Variants in PTPRG observed in about 807,000 individuals in gnomAD.
The protein encoded by PTPRG is receptor-type tyrosine-protein phosphatase gamma.
PTPRG carries 102 observed loss-of-function variants against 165.3 expected under a neutral mutation model. That is an observed-to-expected ratio of 0.62 (90% confidence interval 0.53 to 0.73). The LOEUF (loss-of-function observed/expected upper bound fraction) is 0.73, where lower values mean the gene tolerates loss of function less well. PTPRG is among the 30% of genes least tolerant of loss of function. The pLI is 0.00. For missense variants in PTPRG, 1,866 were observed against 1,861.4 expected, an observed-to-expected ratio of 1.00 and a Z score of -0.05; for synonymous variants, 675 against 669.5, an observed-to-expected ratio of 1.01 and a Z score of -0.13.
At chr3:61,596,558 A>AT (rs1559517423) in intron 1 of PTPRG, among the ~76,000 whole-genome samples, 1 of 152,038 alleles carries the variant, frequency 6.6e-6, no homozygotes, top group East Asian at 1.9e-4. Flanking sequence ...AAAGCAAGCT[A>AT]TTTGTTTTTT....
rs954491534 is a variant in PTPRG, at chr3:62,213,349, G to A, written c.2156-5502G>A. Among the ~76,000 whole-genome samples the A allele has an allele frequency of 3.3e-5, 5 of 152,146 alleles. No homozygotes were observed. The highest frequency in any genetic ancestry group is 1.3e-4 in the Admixed American group (2 of 15,284). ...CCTGTGCTCAGAAGGGCCTATGCTT[G>A]CTTTCATACTGTCTCATACTCTACT... is the stretch of plus-strand genomic sequence containing the variant. On this transcript the variant is annotated intron_variant, in intron 12 of 29. Transcript: ENST00000474889. This position sits in a 1 kb window ranked among gnomAD's most constrained non-coding sequence, Gnocchi z 4.4.
intron 2 of PTPRG, among the ~76,000 whole-genome samples, chr3:61,874,260 C>T (rs982219871): frequency 2.6e-5 from 4 of 152,160 alleles, no homozygotes; most frequent in Non-Finnish European, 4.4e-5. Flanking sequence ...GGCCTAAAAG[C>T]ATTTGCTGGA....
intron 4 of PTPRG, among the ~76,000 whole-genome samples, chr3:62,039,226 C>G (rs1700048591): frequency 6.6e-6 from 1 of 151,622 alleles, no homozygotes; most frequent in Admixed American, 6.6e-5. Flanking sequence ...TGAGCCACCA[C>G]CCCTAGCCAA....
intron 2 of PTPRG, chr3:61,749,241 T>C: frequency 1.9e-6 from 1 of 533,594 alleles, no homozygotes; most frequent in Non-Finnish European, 3.4e-6. Context: ...TGAGTTATTG[T>C]ACCAAACTTG....
intron 2 of PTPRG, among the ~76,000 whole-genome samples, chr3:61,754,911 C>T (rs2106940713): frequency 6.6e-6 from 1 of 152,276 alleles, no homozygotes; most frequent in South Asian, 2.1e-4. Flanking sequence ...TGCCTCTCTC[C>T]TAAAGCCTCC....
intron 1 of PTPRG, among the ~76,000 whole-genome samples, chr3:61,574,029 CT>C (rs750431381): frequency 0.015 from 2,193 of 144,486 alleles, 45 homozygotes; most frequent in African/African-American, 0.049. Context: ...GGTAGTAAAC[CT>C]TTTTTTTTTT....
chr3:61,932,321 G>A (rs1021268525), intron 2 of PTPRG, among the ~76,000 whole-genome samples: 1 of 152,194 alleles, frequency 6.6e-6, no homozygotes, highest in Non-Finnish European at 1.5e-5. Flanking sequence ...GAACACAACA[G>A]ACCATAAAAT....
At chr3:62,148,691 G>C (rs1016172157) in intron 6 of PTPRG, among the ~76,000 whole-genome samples, 5 of 152,152 alleles carry the variant, frequency 3.3e-5, no homozygotes, top group African/African-American at 1.2e-4. Flanking sequence ...GAACTCAGAA[G>C]GTGGAGGTGG....
rs143517376 is a variant in PTPRG, at chr3:62,024,924, G to A, written c.519+21427G>A. ...TGGGAAATTATTTACCACATTTTCA[G>A]TAATAATCTGTCTTTCGAAGCAGGT... On this transcript the variant is annotated intron_variant, in intron 4 of 29. Transcript: ENST00000474889. 3.9e-5 allele frequency among the ~76,000 whole-genome samples: 6 copies of A among 152,296 alleles called. 1 individual carries two copies. In the East Asian group the frequency reaches 1.2e-3, roughly 29 times the overall value.
At chr3:61,612,686 A>T (rs1701204805) in intron 1 of PTPRG, among the ~76,000 whole-genome samples, 1 of 152,112 alleles carries the variant, frequency 6.6e-6, no homozygotes, top group African/African-American at 2.4e-5. Flanking sequence ...TCAGTGCAAC[A>T]CTTTAGAGTT....
chr3:62,105,046 A>C (rs1326377355), intron 5 of PTPRG, among the ~76,000 whole-genome samples: 1 of 136,724 alleles, frequency 7.3e-6, no homozygotes, highest in African/African-American at 2.7e-5. Context: ...TAAACAATAT[A>C]GTTCAGGCAA....
chr3:61,661,749 A>G (rs1702674771), intron 1 of PTPRG, among the ~76,000 whole-genome samples: 1 of 152,112 alleles, frequency 6.6e-6, no homozygotes, highest in South Asian at 2.1e-4. Flanking sequence ...GCATTCTTAT[A>G]TAACAGACTC....
chr3:62,016,467 G>T (rs753046814), intron 4 of PTPRG, among the ~76,000 whole-genome samples: 1 of 152,078 alleles, frequency 6.6e-6, no homozygotes, highest in Non-Finnish European at 1.5e-5. Context: ...CGCCCGGCCT[G>T]TATTAACTAT....
chr3:61,931,925 C>T (rs564599993), intron 2 of PTPRG, among the ~76,000 whole-genome samples: 30 of 152,340 alleles, frequency 2.0e-4, no homozygotes, highest in Non-Finnish European at 3.4e-4. Context: ...TTTGAAGCTT[C>T]TGGTTGAAAC....
chr3:61,824,067 T>TG (rs945147057), intron 2 of PTPRG, among the ~76,000 whole-genome samples: 4 of 151,886 alleles, frequency 2.6e-5, no homozygotes, highest in Admixed American at 1.3e-4. Context: ...GAGCTTGCAG[T>TG]GAGCCAAGAT....
intron 4 of PTPRG, among the ~76,000 whole-genome samples, chr3:62,049,111 A>T (rs1481435032): frequency 7.4e-6 from 1 of 135,748 alleles, no homozygotes; most frequent in East Asian, 2.1e-4. Context: ...AAGTAAAAAC[A>T]AAACAAAACA....
chr3:61,706,742 A>C (rs2031281041), intron 1 of PTPRG, among the ~76,000 whole-genome samples: 1 of 152,076 alleles, frequency 6.6e-6, no homozygotes, highest in African/African-American at 2.4e-5. Flanking sequence ...CACCCGCCTC[A>C]GCCTCCCAAA....
chr3:61,817,690 C>G (rs1355622040), intron 2 of PTPRG, among the ~76,000 whole-genome samples: 1 of 152,158 alleles, frequency 6.6e-6, no homozygotes, highest in Non-Finnish European at 1.5e-5. Flanking sequence ...GACCTGAAGT[C>G]TCAAATCAGC....
intron 8 of PTPRG, among the ~76,000 whole-genome samples, chr3:62,173,150 C>T (rs1576094283): frequency 6.6e-6 from 1 of 152,100 alleles, no homozygotes; most frequent in Admixed American, 6.6e-5. Flanking sequence ...TTCTAGAGTA[C>T]TTATAATATT....
Sources: allele counts gnomAD v4.1 joint callset (sites outside exome capture counted in the v4.1 genomes callset), GRCh38; gene constraint gnomAD v4.1.1; non-coding constraint Gnocchi (gnomAD v3.1); transcripts MANE v1.5; gene names NCBI Gene and HGNC (gene_info 2026-07-23, HGNC 2026-07-21).